The following CTNND2 variants were observed in gnomAD, a reference collection of about 807,000 sequenced individuals.
The protein encoded by CTNND2 is catenin delta-2.
CTNND2 carries 22 observed loss-of-function variants against 144.4 expected under a neutral mutation model. The ratio of observed to expected loss-of-function variants is 0.15; its 90% CI spans 0.11 to 0.22. CTNND2 has a LOEUF of 0.22. Among genes scored for constraint, CTNND2 ranks in the 10% least tolerant of loss-of-function variants. The probability of loss-of-function intolerance (pLI) is 1.00; values close to 1 mark genes in which losing one functional copy is unlikely to be tolerated. For missense variants in CTNND2, 1,353 were observed against 1,618.8 expected, an observed-to-expected ratio of 0.84 and a Z score of 2.82; for synonymous variants, 751 against 695.6, an observed-to-expected ratio of 1.08 and a Z score of -1.25.
At chr5:11,831,178 T>C (rs980245268) in intron 1 of CTNND2, among the ~76,000 whole-genome samples, 1 of 150,528 alleles carries the variant, frequency 6.6e-6, no homozygotes, top group Non-Finnish European at 1.5e-5. Context: ...TATATTTATG[T>C]AGAAACTAAC....
intron 1 of CTNND2, among the ~76,000 whole-genome samples, chr5:11,801,629 A>G (rs1198534038): frequency 6.6e-6 from 1 of 151,536 alleles, no homozygotes; most frequent in African/African-American, 2.4e-5. Flanking sequence ...GCAGCAACCA[A>G]TTTTTTTTTC....
In CTNND2 at chr5:11,564,840, C is replaced by T. The variant is rs916967775; in HGVS notation, c.287+104G>A. 13 of 723,252 alleles carry T rather than the reference C, an allele frequency of 1.8e-5. No homozygotes were observed. In the South Asian group the frequency reaches 2.5e-4, roughly 14 times the overall value. 44.8% of individuals were successfully genotyped at this position (723,252 alleles called of 1,614,324 possible). ...GTTACAATTTCTTTCCAACGTTTGACTGAATGTTCCAATTCCACCACCGGG... is the reference window on the plus strand; with the variant it reads ...GTTACAATTTCTTTCCAACGTTTGATTGAATGTTCCAATTCCACCACCGGG... On this transcript the variant is annotated intron_variant, in intron 3 of 21. Coordinates refer to ENST00000304623, the MANE Select transcript of CTNND2 (RefSeq NM_001332.4).
intron 2 of CTNND2, among the ~76,000 whole-genome samples, chr5:11,668,068 T>C (rs1227235494): frequency 5.3e-5 from 8 of 152,178 alleles, no homozygotes; most frequent in Non-Finnish European, 1.5e-5. Flanking sequence ...AAAGATCAGA[T>C]GGTTGTAGAT....
intron 16 of CTNND2, among the ~76,000 whole-genome samples, chr5:11,059,790 T>C (rs1229902441): frequency 6.6e-6 from 1 of 152,102 alleles, no homozygotes; most frequent in African/African-American, 2.4e-5. Context: ...CCACCAAGAT[T>C]CAATTGAATG....
chr5:11,562,708 A>G (rs1310440331), intron 3 of CTNND2, among the ~76,000 whole-genome samples: 1 of 152,224 alleles, frequency 6.6e-6, no homozygotes, highest in Admixed American at 6.5e-5. Flanking sequence ...AAAGAACCAA[A>G]AGTTGTCATG....
intron 16 of CTNND2, among the ~76,000 whole-genome samples, chr5:11,037,676 C>G (rs1447852895): frequency 6.6e-6 from 1 of 152,192 alleles, no homozygotes; most frequent in Non-Finnish European, 1.5e-5. Flanking sequence ...AGCCTTCTGT[C>G]TATTTCCTCT....
At chr5:11,479,708 G>A (rs1768068455) in intron 3 of CTNND2, among the ~76,000 whole-genome samples, 1 of 150,806 alleles carries the variant, frequency 6.6e-6, no homozygotes, top group Non-Finnish European at 1.5e-5. Flanking sequence ...GGTGTGAGAT[G>A]ATATCTCACT....
chr5:10,990,001 A>G (rs1056368725), intron 19 of CTNND2, among the ~76,000 whole-genome samples: 3 of 152,234 alleles, frequency 2.0e-5, no homozygotes, highest in Non-Finnish European at 4.4e-5. Context: ...CTGAGGCTTG[A>G]ACCCCACCCA....
At chr5:11,819,158 T>C (rs992670930) in intron 1 of CTNND2, among the ~76,000 whole-genome samples, 2 of 152,072 alleles carry the variant, frequency 1.3e-5, no homozygotes. Flanking sequence ...AGGAGGTATA[T>C]GGAATTTAGA....
chr5:11,640,491 T>A lies in CTNND2; in HGVS notation c.175-75435A>T, dbSNP rs75874495. Among the ~76,000 whole-genome samples, 52 of 152,344 alleles carry A rather than the reference T, an allele frequency of 3.4e-4. No homozygotes were observed. The East Asian group carries it at 9.3e-3, about 27-fold the overall frequency. ...ATATGTGGACATCTATAAATAGGTATGTTACACTATCTAGAAAAAACCAAC... is the reference window on the plus strand; with the variant it reads ...ATATGTGGACATCTATAAATAGGTAAGTTACACTATCTAGAAAAAACCAAC... On this transcript the variant is annotated intron_variant, in intron 2 of 21. Coordinates refer to ENST00000304623, the MANE Select transcript of CTNND2 (RefSeq NM_001332.4).
At chr5:11,217,269 T>C (rs1191432729) in intron 10 of CTNND2, among the ~76,000 whole-genome samples, 1 of 152,230 alleles carries the variant, frequency 6.6e-6, no homozygotes, top group Admixed American at 6.5e-5. Flanking sequence ...AGATGAGTCA[T>C]TCAAGAGAAT....
chr5:11,189,076 T>C (rs1002287137), intron 11 of CTNND2, among the ~76,000 whole-genome samples: 1 of 152,182 alleles, frequency 6.6e-6, no homozygotes, highest in Admixed American at 6.5e-5. Context: ...TAGCCCACAA[T>C]GGTTCTGTTA....
intron 14 of CTNND2, among the ~76,000 whole-genome samples, chr5:11,100,623 T>C (rs1314025931): frequency 6.6e-6 from 1 of 152,232 alleles, no homozygotes; most frequent in Non-Finnish European, 1.5e-5. Context: ...GTAGTGAATC[T>C]ATCTGCTAGA....
intron 3 of CTNND2, among the ~76,000 whole-genome samples, chr5:11,446,660 G>A (rs910200308): frequency 6.6e-5 from 10 of 151,350 alleles, no homozygotes; most frequent in African/African-American, 2.5e-4. Flanking sequence ...TCTGTGCTGG[G>A]TTCAGTCTGT....
At chr5:11,083,616 C>G (rs1358479722) in intron 15 of CTNND2, among the ~76,000 whole-genome samples, 1 of 152,152 alleles carries the variant, frequency 6.6e-6, no homozygotes, top group Non-Finnish European at 1.5e-5. Flanking sequence ...AGAATGCAGG[C>G]CCACGTTTTC....
intron 14 of CTNND2, among the ~76,000 whole-genome samples, chr5:11,107,317 A>G (rs1561312858): frequency 6.6e-6 from 1 of 152,196 alleles, no homozygotes; most frequent in African/African-American, 2.4e-5. Context: ...GAAACTGTTA[A>G]AGTTCAAATC....
At chr5:11,504,029 A>T (rs114418715) in intron 3 of CTNND2, among the ~76,000 whole-genome samples, 2 of 152,210 alleles carry the variant, frequency 1.3e-5, no homozygotes, top group Non-Finnish European at 2.9e-5. Flanking sequence ...TCATTCTGAA[A>T]GATAATTATC....
chr5:11,371,325 A>T (rs1757460893), intron 7 of CTNND2, among the ~76,000 whole-genome samples: 1 of 152,234 alleles, frequency 6.6e-6, no homozygotes, highest in Admixed American at 6.5e-5. Context: ...GAGATATACA[A>T]AAACTAACAT....
chr5:10,994,488 G>GA (rs1486539250), intron 18 of CTNND2, among the ~76,000 whole-genome samples: 3 of 141,446 alleles, frequency 2.1e-5, no homozygotes, highest in Non-Finnish European at 4.6e-5. Flanking sequence ...GGAAGGAGGG[G>GA]CGGGGTGGGT....
Sources: gnomAD v4.1 joint callset for allele counts (sites outside exome capture counted in the v4.1 genomes callset) on GRCh38, gnomAD v4.1.1 for gene constraint, MANE v1.5 for transcripts, NCBI Gene and HGNC (gene_info 2026-07-23, HGNC 2026-07-21) for gene names.